NF1: variants seen among roughly 807,000 people sequenced by gnomAD.
NF1 encodes the protein neurofibromin.
NF1 carries 122 observed loss-of-function variants against 325.7 expected under a neutral mutation model. The ratio of observed to expected loss-of-function variants is 0.37; its 90% CI spans 0.32 to 0.44. NF1 has a LOEUF of 0.44. Among genes scored for constraint, NF1 ranks in the 20% least tolerant of loss-of-function variants. NF1 has a pLI of 1.00. For synonymous variants in NF1, 1,091 were observed against 1,186.0 expected, an observed-to-expected ratio of 0.92 and a Z score of 1.65; for missense variants, 2,140 against 3,415.4, an observed-to-expected ratio of 0.63 and a Z score of 9.31.
intron 1 of NF1, among the ~76,000 whole-genome samples, chr17:31,106,357 A>G (rs966295025): frequency 6.6e-6 from 1 of 152,010 alleles, no homozygotes; most frequent in Non-Finnish European, 1.5e-5. Flanking sequence ...TCTGTGCAGT[A>G]TTTTTTTTCT....
rs139579269 is a variant in NF1 at position 31,113,988 on chromosome 17, A to C, written c.60+18619A>C. Reference sequence around the variant, plus strand: ...TATCTATTTCTAGGCTGTGTTAATTATGCCTCAAATTCATAGTTCCTTCTG... The same window carrying C: ...TATCTATTTCTAGGCTGTGTTAATTCTGCCTCAAATTCATAGTTCCTTCTG... On this transcript the variant is annotated intron_variant, in intron 1 of 57. Transcript: ENST00000358273. Among the ~76,000 whole-genome samples, 1,026 of 152,298 alleles carry C rather than the reference A, an allele frequency of 6.7e-3. 17 individuals are homozygous for C. Among genetic ancestry groups the C allele is most frequent in the African/African-American group, 0.023 (963 of 41,576 alleles).
chr17:31,349,423 G>T (rs1200912303), intron 49 of NF1, among the ~76,000 whole-genome samples, 172 bp downstream of exon 49: 1 of 152,084 alleles, frequency 6.6e-6, no homozygotes, highest in Non-Finnish European at 1.5e-5. Flanking sequence ...ACATTTTTCT[G>T]TAGGAAAAAA....
chr17:31,259,725 G>A (rs2067650412), intron 33 of NF1, among the ~76,000 whole-genome samples: 1 of 152,114 alleles, frequency 6.6e-6, no homozygotes, highest in African/African-American at 2.4e-5. Flanking sequence ...GTTGTTTTTA[G>A]AGAAAAAAAT....
At chr17:31,258,654 T>A (rs2067627804) in intron 32 of NF1, 152 bp downstream of exon 32, 7 of 845,958 alleles carry the variant, frequency 8.3e-6, no homozygotes, top group Non-Finnish European at 1.3e-5. Context: ...TACAAAGGAA[T>A]TCATTAGTTA....
intron 36 of NF1, among the ~76,000 whole-genome samples, chr17:31,287,623 G>A (rs2068259534): frequency 6.6e-6 from 1 of 151,578 alleles, no homozygotes; most frequent in Non-Finnish European, 1.5e-5. Flanking sequence ...GCAGTGGCAT[G>A]ATCTCAGCTC....
intron 36 of NF1, among the ~76,000 whole-genome samples, chr17:31,270,928 A>T (rs1021048684): frequency 7.2e-5 from 11 of 152,110 alleles, no homozygotes. Flanking sequence ...TCCAAACCAA[A>T]ATCTCAGGGG....
In NF1 at chr17:31,357,352, C is replaced by T. The variant is rs779167139; in HGVS notation, c.7953C>T (p.Pro2651=). ...EYLAEASVVF[P]KVFPVVHNLL... ...TAGCAGAGGCCAGTGTTGTGTTTCC[C>T]AAAGTCTTTCCTGTTGTGTAAGTAT... The change falls in exon 54 of 58, where the codon CCC becomes CCT. Residue 2651 remains proline (P), a synonymous_variant. Coordinates refer to ENST00000358273, the MANE Select transcript of NF1 (RefSeq NM_001042492.3). The T allele has an allele frequency of 3.1e-6, 5 of 1,613,324 alleles. No individual in the cohort carries two copies. Among genetic ancestry groups the T allele is most frequent in the East Asian group, 2.2e-5 (1 of 44,852 alleles).
At chr17:31,312,518 C>CA (rs951056099) in intron 36 of NF1, among the ~76,000 whole-genome samples, 1,211 of 59,932 alleles carry the variant, frequency 0.02, 18 homozygotes, top group African/African-American at 0.061. Flanking sequence ...GACTCCATCT[C>CA]AAAAAAAAAA....
chr17:31,144,385 G>A (rs539105186), intron 1 of NF1, among the ~76,000 whole-genome samples: 1 of 152,268 alleles, frequency 6.6e-6, no homozygotes, highest in East Asian at 1.9e-4. Flanking sequence ...AATTCGTTCA[G>A]TGCCTTTTTC....
rs538565754 is a variant in NF1 at position 31,266,995 on chromosome 17, G to A, written c.4835+1656G>A. On this transcript the variant is annotated intron_variant, in intron 36 of 57. Transcript: ENST00000358273. Reference sequence around the variant, plus strand: ...CACCCAGGCTGGAGTGCAATGGAGCGATCTCGGCTCACTGCAACCTCCACC... The same window carrying A: ...CACCCAGGCTGGAGTGCAATGGAGCAATCTCGGCTCACTGCAACCTCCACC... 2.0e-5 allele frequency among the ~76,000 whole-genome samples: 3 copies of A among 151,488 alleles called. No individual in the cohort carries two copies. The East Asian group carries it at 5.8e-4, about 29-fold the overall frequency.
chr17:31,140,164 G>A lies in NF1; in HGVS notation c.61-15819G>A, dbSNP rs539951515. Among the ~76,000 whole-genome samples, 11 of 152,294 alleles carry A rather than the reference G, an allele frequency of 7.2e-5. No individual in the cohort carries two copies. In the East Asian group the frequency reaches 7.7e-4, roughly 11 times the overall value. On this transcript the variant is annotated intron_variant, in intron 1 of 57. Coordinates refer to ENST00000358273, the MANE Select transcript of NF1 (RefSeq NM_001042492.3). ...AGCACAACAGTGGATATTAAACAAC[G>A]TATCATCTGGTTATGTAATTACAGT...
chr17:31,349,154 AAC>A lies in NF1; in HGVS notation c.7226_7227del (p.Thr2409SerfsTer12). 1 of 1,609,390 alleles carries A rather than the reference AAC, an allele frequency of 6.2e-7. No homozygotes were observed. Among genetic ancestry groups the A allele is most frequent in the Non-Finnish European group, 8.5e-7 (1 of 1,177,456 alleles). On this transcript the variant is annotated frameshift_variant, in exon 49 of 58. Transcript: ENST00000358273. LOFTEE classifies it high-confidence loss of function. The part of the protein sequence containing the change: ...RHPSPAIVAR[T>X]VRILHTLLTL... ...ATCCTTCACCTGCTATTGTTGCAAGAACAGTCAGAATTTTACATACACTACTA... is the reference window on the plus strand; with the variant it reads ...ATCCTTCACCTGCTATTGTTGCAAGAAGTCAGAATTTTACATACACTACTA...
chr17:31,250,277 A>G (rs2067472589), intron 30 of NF1: 1 of 265,318 alleles, frequency 3.8e-6, no homozygotes, highest in Non-Finnish European at 7.4e-6. Flanking sequence ...TTTAGTTATA[A>G]TATGAAACTT....
chr17:31,293,286 A>G (rs1412739518), intron 36 of NF1, among the ~76,000 whole-genome samples: 1 of 149,118 alleles, frequency 6.7e-6, no homozygotes, highest in African/African-American at 2.4e-5. Context: ...AGTAGGGATT[A>G]TCTAAGCAAT....
chr17:31,149,069 T>C (rs1412516564), intron 1 of NF1, among the ~76,000 whole-genome samples: 1 of 152,106 alleles, frequency 6.6e-6, no homozygotes, highest in Non-Finnish European at 1.5e-5. Flanking sequence ...TCCCTCTTCT[T>C]AGATGAATGG....
intron 36 of NF1, among the ~76,000 whole-genome samples, chr17:31,298,834 A>G (rs752169776): frequency 1.1e-4 from 17 of 152,126 alleles, no homozygotes; most frequent in Admixed American, 1.3e-4. Context: ...CTGCACTTCT[A>G]AAGATGTGAC....
chr17:31,115,432 T>TA (rs761196140), intron 1 of NF1, among the ~76,000 whole-genome samples: 37 of 152,346 alleles, frequency 2.4e-4, no homozygotes, highest in Non-Finnish European at 4.1e-4. Context: ...ATCCAGCAGA[T>TA]ATCAAAGTCG....
At chr17:31,289,134 G>A (rs1301250727) in intron 36 of NF1, among the ~76,000 whole-genome samples, 1 of 152,190 alleles carries the variant, frequency 6.6e-6, no homozygotes, top group Non-Finnish European at 1.5e-5. Flanking sequence ...AAAAGGATGA[G>A]TAGGGTTTGA....
At chr17:31,288,853 G>C (rs1421603782) in intron 36 of NF1, among the ~76,000 whole-genome samples, 1 of 152,016 alleles carries the variant, frequency 6.6e-6, no homozygotes, top group East Asian at 1.9e-4. Flanking sequence ...TATATGACTA[G>C]TAGTAGCCTA....
Sources: gnomAD v4.1 joint callset for allele counts (sites outside exome capture counted in the v4.1 genomes callset) on GRCh38, gnomAD v4.1.1 for gene constraint, MANE v1.5 for transcripts, NCBI Gene and HGNC (gene_info 2026-07-23, HGNC 2026-07-21) for gene names.